Variants in HELB observed in about 807,000 individuals in gnomAD.
The protein encoded by HELB is DNA 5'-3' helicase B.
Under a neutral mutation model 101.7 loss-of-function variants are expected in HELB, and 96 were observed. The ratio of observed to expected loss-of-function variants is 0.94; its 90% CI spans 0.80 to 1.12. The LOEUF is 1.12. HELB is among the 50% of genes most tolerant of loss of function. The pLI is 0.00. For synonymous variants in HELB, 437 were observed against 459.7 expected, an observed-to-expected ratio of 0.95 and a Z score of 0.63; for missense variants, 1,210 against 1,291.9, an observed-to-expected ratio of 0.94 and a Z score of 0.97.
At chr12:66,330,820 A>G (rs2053797130) in intron 11 of HELB, among the ~76,000 whole-genome samples, 1 of 151,666 alleles carries the variant, frequency 6.6e-6, no homozygotes, top group Non-Finnish European at 1.5e-5. Flanking sequence ...ATATGTAATA[A>G]TGGGTTAACA....
intron 11 of HELB, among the ~76,000 whole-genome samples, chr12:66,330,235 A>C (rs2053789614): frequency 6.6e-6 from 1 of 152,216 alleles, no homozygotes; most frequent in Non-Finnish European, 1.5e-5. Flanking sequence ...TCTTACAGTT[A>C]CACGGTGATA....
rs758386388 is a variant in HELB at position 66,331,208 on chromosome 12, T to C, written c.2725T>C (p.Trp909Arg). 20 of 1,613,180 alleles carry C rather than the reference T, an allele frequency of 1.2e-5. No homozygotes were observed. The highest frequency in any genetic ancestry group is 1.7e-5 in the Non-Finnish European group (20 of 1,179,136). ...GGTGGGGAAGGCGGGCCGCCAGCACTGGCAGCATGTCTACACCGCCGTGAC... is the reference window on the plus strand; with the variant it reads ...GGTGGGGAAGGCGGGCCGCCAGCACCGGCAGCATGTCTACACCGCCGTGAC... Reference protein sequence around the residue: ...YVVGKAGRQHWQHVYTAVTRG... With the variant: ...YVVGKAGRQHRQHVYTAVTRG... Residue 909 changes from tryptophan (W) to arginine (R), a missense_variant, in exon 12 of 13, where the codon TGG becomes CGG. By Grantham distance (101) the Trp-to-Arg change is moderately radical. Transcript: ENST00000247815.
At chr12:66,302,961 C>T (rs908150393) in intron 1 of HELB, among the ~76,000 whole-genome samples, 171 bp downstream of exon 1, 4 of 150,244 alleles carry the variant, frequency 2.7e-5, no homozygotes, top group African/African-American at 9.8e-5. Flanking sequence ...ATAGCAGTGA[C>T]TTTAACTGGA....
chr12:66,309,787 A>G lies in HELB; in HGVS notation c.859A>G (p.Met287Val). The change falls in exon 4 of 13, where the codon ATG becomes GTG. Residue 287 changes from methionine (M) to valine (V), a missense_variant. By Grantham distance (21) the Met-to-Val change is conservative (BLOSUM62 1). Coordinates refer to ENST00000247815, the MANE Select transcript of HELB (RefSeq NM_001370285.1). ...TCAGTGTGAGTCTCTTCTCCAGCTG[A>G]TGACTGATTTGGAGAAGAATGCATT... ...FCQCESLLQL[M>V]TDLEKNALIM... 1.2e-6 allele frequency: 2 copies of G among 1,614,148 alleles called. No homozygotes were observed. Among genetic ancestry groups the G allele is most frequent in the Non-Finnish European group, 1.7e-6 (2 of 1,179,976 alleles).
In HELB at chr12:66,335,857, C is replaced by T. The variant is rs571730494; in HGVS notation, c.3163-2144C>T. On this transcript the variant is annotated intron_variant, in intron 12 of 12. Transcript: ENST00000247815. ...GATAAAGCAGTTCCAAGCTGATCAC[C>T]TCATGCCATCCTCTCTCTCTTCTTA... Among the ~76,000 whole-genome samples the T allele has an allele frequency of 2.8e-4, 42 of 152,306 alleles. No individual in the cohort carries two copies. In the East Asian group the frequency reaches 7.3e-3, roughly 27 times the overall value.
Position 66,309,932 on chromosome 12 carries a change from T to C in HELB, c.1004T>C (p.Leu335Pro). The C allele has an allele frequency of 1.2e-6, 2 of 1,614,242 alleles. No homozygotes were observed. The highest frequency in any genetic ancestry group is 1.7e-6 in the Non-Finnish European group (2 of 1,180,036). The change falls in exon 4 of 13, where the codon CTG (leucine) becomes CCG (proline). Residue 335 changes from leucine (L) to proline (P), a missense_variant. Physicochemically the swap from Leu to Pro is moderately conservative, Grantham distance 98. Around this residue, in one of 2 missense-constraint regions of HELB, gnomAD observed 470 missense variants for 563.1 expected, o/e 0.83. Transcript: ENST00000247815. ...TCATTTCATGCTGCTTCAGAGTCTC[T>C]GAAGTTTTTGAAGGATATTGGTGTG... Reference protein sequence around the residue: ...HMSFHAASESLKFLKDIGVVT... With the variant: ...HMSFHAASESPKFLKDIGVVT...
rs1265864852 is a variant in HELB, at chr12:66,310,072, G to A, written c.1144G>A (p.Val382Ile). ...ACCTCCTTGGCATTTATGTGTCGAT[G>A]TCGAAAAGGTGCTTGCCTCTATTCA... ...KKPPWHLCVD[V>I]EKVLASIHTT... Residue 382 changes from valine to isoleucine, a missense_variant, in exon 4 of 13, where the codon GTC (valine) becomes ATC (isoleucine). By Grantham distance (29) the Val-to-Ile change is conservative. Coordinates refer to ENST00000247815, the MANE Select transcript of HELB (RefSeq NM_001370285.1). 2.6e-5 allele frequency: 42 copies of A among 1,614,094 alleles called. No homozygotes were observed. The highest frequency in any genetic ancestry group is 3.4e-5 in the Non-Finnish European group (40 of 1,180,042).
chr12:66,313,304 T>C (rs1290480870), intron 4 of HELB, among the ~76,000 whole-genome samples: 3 of 152,280 alleles, frequency 2.0e-5, no homozygotes, highest in South Asian at 4.1e-4. Flanking sequence ...TTGAGTGTTA[T>C]GTCAGTGCTC....
chr12:66,331,908 T>C (rs2053814538), intron 12 of HELB, among the ~76,000 whole-genome samples: 1 of 152,168 alleles, frequency 6.6e-6, no homozygotes, highest in African/African-American at 2.4e-5. Context: ...TGACTCATTC[T>C]CACAGTTTCA....
chr12:66,324,743 TCA>T (rs1001309945), intron 10 of HELB, among the ~76,000 whole-genome samples: 2 of 152,232 alleles, frequency 1.3e-5, no homozygotes, highest in African/African-American at 4.8e-5. Context: ...AGGCTGTTCT[TCA>T]CAGAGTCAAA....
Position 66,306,327 on chromosome 12 carries a change from C to G in HELB, c.608-18C>G, listed in dbSNP as rs2053474857. 6.5e-7 allele frequency: 1 copy of G among 1,534,370 alleles called. No homozygotes were observed. Among genetic ancestry groups the G allele is most frequent in the African/African-American group, 1.4e-5 (1 of 71,672 alleles). On this transcript the variant is annotated intron_variant, in intron 2 of 12. Transcript: ENST00000247815. Reference sequence around the variant, plus strand: ...GGTTCATTTATGTTTTACTTTGTTCCTTTCTGATATCTTGTAGTTCCATTT... The same window carrying G: ...GGTTCATTTATGTTTTACTTTGTTCGTTTCTGATATCTTGTAGTTCCATTT...
intron 3 of HELB, among the ~76,000 whole-genome samples, chr12:66,308,394 C>T (rs555277382): frequency 6.6e-6 from 1 of 152,260 alleles, no homozygotes; most frequent in African/African-American, 2.4e-5. Flanking sequence ...AAGAATCATA[C>T]GTGGAGATTT....
At chr12:66,317,777 A>G (rs902615540) in intron 6 of HELB, among the ~76,000 whole-genome samples, 10 of 152,228 alleles carry the variant, frequency 6.6e-5, no homozygotes, top group African/African-American at 2.2e-4. Flanking sequence ...CAGGAAATCT[A>G]TGATGATTCT....
At chr12:66,306,308 T>C (rs769833819) in intron 2 of HELB, 37 bp from the exon 3 acceptor site, 2 of 1,464,734 alleles carry the variant, frequency 1.4e-6, no homozygotes, top group Non-Finnish European at 1.8e-6. Flanking sequence ...TTTGGGTTCA[T>C]TTATGTTTTA....
rs747910110 is a variant in HELB, at chr12:66,304,723, T to A, written c.188-8T>A. 11 of 1,570,500 alleles carry A rather than the reference T, an allele frequency of 7.0e-6. No homozygotes were observed. Among genetic ancestry groups the A allele is most frequent in the Non-Finnish European group, 9.5e-6 (11 of 1,163,432 alleles). On this transcript the variant is annotated splice_polypyrimidine_tract_variant and splice_region_variant and intron_variant, in intron 1 of 12. Transcript: ENST00000247815. The stretch of plus-strand genomic sequence containing the variant: ...AACTTTTGTGGGTTTTTGTTTGTTT[T>A]TTTTTAGTTTCTATTTGTGATGAAA...
At chr12:66,308,741 G>A (rs1592631649) in intron 3 of HELB, among the ~76,000 whole-genome samples, 2 of 152,238 alleles carry the variant, frequency 1.3e-5, no homozygotes, top group Middle Eastern at 6.8e-3. Context: ...TCATATTAGA[G>A]TAGGGCCCAT....
chr12:66,304,786 G>C lies in HELB; in HGVS notation c.243G>C (p.Pro81=). 1 of 1,613,936 alleles carries C rather than the reference G, an allele frequency of 6.2e-7. No individual in the cohort carries two copies. The highest frequency in any genetic ancestry group is 8.5e-7 in the Non-Finnish European group (1 of 1,179,960). ...CATGTAAAGTGTTTGGACGTTTTCC[G>C]ATAACAGGTGCTTGGTGGAGAGTGA... ...QETCKVFGRF[P]ITGAWWRVKV... Residue 81 remains proline, a synonymous_variant, in exon 2 of 13, where the codon CCG becomes CCC. Transcript: ENST00000247815.
At chr12:66,308,951 A>G (rs1592631810) in intron 3 of HELB, among the ~76,000 whole-genome samples, 1 of 152,324 alleles carries the variant, frequency 6.6e-6, no homozygotes, top group African/African-American at 2.4e-5. Flanking sequence ...AATGGAGCCG[A>G]TAGATGACGT....
chr12:66,335,121 C>T (rs1261772339), intron 12 of HELB, among the ~76,000 whole-genome samples: 1 of 152,144 alleles, frequency 6.6e-6, no homozygotes, highest in Non-Finnish European at 1.5e-5. Context: ...AAAGCGTTCT[C>T]TTGTGGCGTG....
Sources: gnomAD v4.1 joint callset for allele counts (sites outside exome capture counted in the v4.1 genomes callset) on GRCh38, gnomAD v4.1.1 for gene constraint, gnomAD v4.1.1 regional missense constraint, MANE v1.5 for transcripts, NCBI Gene and HGNC (gene_info 2026-07-23, HGNC 2026-07-21) for gene names.